FHIT: variants seen among roughly 807,000 people sequenced by gnomAD.
The protein encoded by FHIT is bis(5'-adenosyl)-triphosphatase.
Under a neutral mutation model 17.9 loss-of-function variants are expected in FHIT, and 19 were observed. The ratio of observed to expected loss-of-function variants is 1.06; its 90% CI spans 0.74 to 1.56. FHIT has a LOEUF of 1.56. Among genes scored for constraint, FHIT ranks in the 40% most tolerant of loss-of-function variants. The pLI, the probability that FHIT is intolerant of heterozygous loss-of-function variation, is 0.00. For synonymous variants in FHIT, 81 were observed against 69.7 expected, an observed-to-expected ratio of 1.16 and a Z score of -0.81; for missense variants, 248 against 189.2, an observed-to-expected ratio of 1.31 and a Z score of -1.82.
chr3:59,977,091 T>A (rs998719670), intron 7 of FHIT, among the ~76,000 whole-genome samples: 6 of 152,156 alleles, frequency 3.9e-5, no homozygotes, highest in Admixed American at 6.6e-5. Context: ...ATACCCTTCC[T>A]TAGCTGATCA....
At chr3:60,101,249 G>A (rs1048945694) in intron 5 of FHIT, among the ~76,000 whole-genome samples, 1 of 152,208 alleles carries the variant, frequency 6.6e-6, no homozygotes, top group African/African-American at 2.4e-5. Flanking sequence ...CACATTACCT[G>A]GCCTGCAAGG....
At chr3:60,278,615 A>T (rs1420410524) in intron 5 of FHIT, among the ~76,000 whole-genome samples, 4 of 152,142 alleles carry the variant, frequency 2.6e-5, no homozygotes, top group African/African-American at 9.7e-5. Flanking sequence ...CAAAGACAAC[A>T]GGGAAGACAA....
At chr3:60,611,791 G>C (rs1235648604) in intron 4 of FHIT, among the ~76,000 whole-genome samples, 2 of 152,168 alleles carry the variant, frequency 1.3e-5, no homozygotes, top group African/African-American at 4.8e-5. Flanking sequence ...CTATCCAGTA[G>C]TTTGATTTCA....
intron 5 of FHIT, among the ~76,000 whole-genome samples, chr3:60,356,504 TGTAG>T (rs1699656736): frequency 6.6e-6 from 1 of 152,100 alleles, no homozygotes; most frequent in African/African-American, 2.4e-5. Context: ...GTAAGACTAG[TGTAG>T]GTAATTGTCC....
intron 5 of FHIT, among the ~76,000 whole-genome samples, chr3:60,427,028 G>C (rs1309930890): frequency 6.6e-6 from 1 of 152,056 alleles, no homozygotes; most frequent in Admixed American, 6.6e-5. Context: ...AAAATCAATT[G>C]ACTTTGAGTT....
At chr3:60,848,517 G>T (rs1703014957) in intron 3 of FHIT, among the ~76,000 whole-genome samples, 1 of 152,110 alleles carries the variant, frequency 6.6e-6, no homozygotes, top group African/African-American at 2.4e-5. Flanking sequence ...AACCCCTGAA[G>T]ATTTCAACTC....
intron 2 of FHIT, among the ~76,000 whole-genome samples, chr3:61,103,111 G>A (rs191768375): frequency 7.2e-5 from 11 of 152,168 alleles, no homozygotes; most frequent in Admixed American, 6.5e-4. Context: ...GAATGTGTTT[G>A]CTCTTGCTTC....
intron 1 of FHIT, among the ~76,000 whole-genome samples, chr3:61,206,935 G>T (rs1475431448): frequency 6.6e-6 from 1 of 152,154 alleles, no homozygotes; most frequent in Admixed American, 6.5e-5. Flanking sequence ...TGTCCATTCA[G>T]TATGATATTG....
In FHIT at chr3:61,094,292, T is replaced by C. The variant is rs9814914; in HGVS notation, c.-163-52193A>G. On this transcript the variant is annotated intron_variant, in intron 2 of 9. Transcript: ENST00000492590. ...AGGAGACAGTATTTGGAAATAGTTATGAACTCAGATCTGGGAGTTTGAATT... is the reference window on the plus strand; with the variant it reads ...AGGAGACAGTATTTGGAAATAGTTACGAACTCAGATCTGGGAGTTTGAATT... Among the ~76,000 whole-genome samples the C allele has an allele frequency of 9.3e-4, 141 of 152,318 alleles. 1 individual carries two copies. The highest frequency in any genetic ancestry group is 3.2e-3 in the African/African-American group (135 of 41,578).
intron 4 of FHIT, among the ~76,000 whole-genome samples, chr3:60,665,988 T>A (rs1211408896): frequency 6.6e-6 from 1 of 152,160 alleles, no homozygotes; most frequent in Non-Finnish European, 1.5e-5. Context: ...AATATGTGAC[T>A]TGTTACAGGC....
At chr3:61,116,059 C>G (rs1002904935) in intron 2 of FHIT, among the ~76,000 whole-genome samples, 68 of 152,050 alleles carry the variant, frequency 4.5e-4, no homozygotes, top group Non-Finnish European at 7.9e-4. Flanking sequence ...GAGGAAAATC[C>G]TGGAATTTTC....
chr3:60,042,993 G>C (rs1701504366), intron 5 of FHIT, among the ~76,000 whole-genome samples: 1 of 152,024 alleles, frequency 6.6e-6, no homozygotes, highest in African/African-American at 2.4e-5. Flanking sequence ...GGCAACAGAG[G>C]GAAAAAAACA....
chr3:61,074,205 T>C (rs894764898), intron 2 of FHIT, among the ~76,000 whole-genome samples: 2 of 152,194 alleles, frequency 1.3e-5, no homozygotes, highest in African/African-American at 4.8e-5. Flanking sequence ...ATTTATCTTA[T>C]AGAATCCTTC....
chr3:60,318,703 G>C (rs1223216477), intron 5 of FHIT, among the ~76,000 whole-genome samples: 1 of 152,128 alleles, frequency 6.6e-6, no homozygotes, highest in African/African-American at 2.4e-5. Flanking sequence ...CCTTTTAAAA[G>C]TTTCTGACTC....
chr3:60,376,482 CAT>C (rs1700567533), intron 5 of FHIT, among the ~76,000 whole-genome samples: 2 of 152,126 alleles, frequency 1.3e-5, no homozygotes, highest in Non-Finnish European at 2.9e-5. Context: ...TAAACACAAA[CAT>C]ACATACACAC....
At chr3:60,564,383 A>G (rs192725920) in intron 4 of FHIT, among the ~76,000 whole-genome samples, 1 of 152,192 alleles carries the variant, frequency 6.6e-6, no homozygotes, top group African/African-American at 2.4e-5. Flanking sequence ...TACAATATCT[A>G]TTCTGCAGCC....
At chr3:60,019,751 C>G (rs1700483092) in intron 5 of FHIT, among the ~76,000 whole-genome samples, 1 of 152,070 alleles carries the variant, frequency 6.6e-6, no homozygotes, top group South Asian at 2.1e-4. Context: ...ACTCCAATAC[C>G]TTCACTGTCA....
At chr3:60,350,878 C>T (rs565338519) in intron 5 of FHIT, among the ~76,000 whole-genome samples, 77 of 152,304 alleles carry the variant, frequency 5.1e-4, no homozygotes, top group African/African-American at 1.5e-3. Context: ...TTATGTAAAA[C>T]TCCATCTTGC....
intron 3 of FHIT, among the ~76,000 whole-genome samples, chr3:60,991,192 G>A (rs2030180162): frequency 6.6e-6 from 1 of 152,170 alleles, no homozygotes; most frequent in Non-Finnish European, 1.5e-5. Flanking sequence ...AAAAGATCTG[G>A]AGAGGAGCAT....
Sources: gnomAD v4.1 joint callset for allele counts (sites outside exome capture counted in the v4.1 genomes callset) on GRCh38, gnomAD v4.1.1 for gene constraint, MANE v1.5 for transcripts, NCBI Gene and HGNC (gene_info 2026-07-23, HGNC 2026-07-21) for gene names.